OPCML: variants seen among roughly 807,000 people sequenced by gnomAD.
OPCML encodes opioid binding protein/cell adhesion molecule like.
Under a neutral mutation model 37.8 loss-of-function variants are expected in OPCML, and 13 were observed. The ratio of observed to expected loss-of-function variants is 0.34; its 90% confidence interval spans 0.22 to 0.55. The LOEUF (loss-of-function observed/expected upper bound fraction) is 0.55. Ranked by LOEUF, OPCML falls within the 20% of genes least tolerant of loss-of-function variation. The pLI is 0.91. For missense variants in OPCML, 341 were observed against 435.6 expected, an observed-to-expected ratio of 0.78 and a Z score of 1.93; for synonymous variants, 176 against 168.8, an observed-to-expected ratio of 1.04 and a Z score of -0.33.
At chr11:132,933,851 C>A (rs1945287637) in intron 2 of OPCML, among the ~76,000 whole-genome samples, 1 of 152,054 alleles carries the variant, frequency 6.6e-6, no homozygotes, top group Admixed American at 6.6e-5. Flanking sequence ...TGTAATTCCT[C>A]CCCCCTCTTA....
intron 4 of OPCML, among the ~76,000 whole-genome samples, chr11:132,508,007 G>C (rs983178675): frequency 6.6e-6 from 1 of 151,996 alleles, no homozygotes; most frequent in Non-Finnish European, 1.5e-5. Flanking sequence ...TATTGAAATG[G>C]GAAAAGGGGT....
intron 1 of OPCML, among the ~76,000 whole-genome samples, chr11:132,963,203 C>T (rs539104718): frequency 1.3e-5 from 2 of 152,156 alleles, no homozygotes; most frequent in African/African-American, 4.8e-5. Flanking sequence ...TTAACGCTAA[C>T]ATCTCCCATG....
At chr11:133,241,650 C>T (rs900918294) in intron 1 of OPCML, among the ~76,000 whole-genome samples, 5 of 152,204 alleles carry the variant, frequency 3.3e-5, no homozygotes, top group African/African-American at 1.2e-4. Context: ...TAAAAGAGAT[C>T]ATAGGTAATG....
chr11:133,216,188 A>G (rs1324629804), intron 1 of OPCML, among the ~76,000 whole-genome samples: 3 of 152,160 alleles, frequency 2.0e-5, no homozygotes, highest in Admixed American at 1.3e-4. Context: ...CCTGTGTAAT[A>G]GGGAGCTCAA....
chr11:133,123,732 C>T (rs1332884160), intron 1 of OPCML, among the ~76,000 whole-genome samples: 2 of 152,032 alleles, frequency 1.3e-5, no homozygotes, highest in Non-Finnish European at 2.9e-5. Context: ...TGGCATCCTT[C>T]CTGGGTCTCT....
intron 2 of OPCML, among the ~76,000 whole-genome samples, chr11:132,935,178 T>A (rs1186476024): frequency 6.6e-6 from 1 of 151,628 alleles, no homozygotes; most frequent in Non-Finnish European, 1.5e-5. Context: ...TAAAATTAAA[T>A]TTGGCTCAAT....
intron 1 of OPCML, among the ~76,000 whole-genome samples, chr11:133,217,266 C>A (rs987107486): frequency 6.6e-6 from 1 of 152,200 alleles, no homozygotes; most frequent in African/African-American, 2.4e-5. Flanking sequence ...CCCCCCAAAA[C>A]AAAGCACCCA....
At chr11:132,717,545 T>A (rs545249205) in intron 2 of OPCML, among the ~76,000 whole-genome samples, 1 of 152,302 alleles carries the variant, frequency 6.6e-6, no homozygotes, top group African/African-American at 2.4e-5. Flanking sequence ...AGTCGTCATC[T>A]CTGGGTGGTG....
rs550143184 is a variant in OPCML at position 133,080,064 on chromosome 11, A to C, written c.62-137054T>G. 5.3e-5 allele frequency among the ~76,000 whole-genome samples: 8 copies of C among 152,316 alleles called. 1 individual carries two copies. In the East Asian group the frequency reaches 7.7e-4, roughly 15 times the overall value. On this transcript the variant is annotated intron_variant, in intron 1 of 7. Coordinates refer to ENST00000524381, the MANE Select transcript of OPCML (RefSeq NM_001012393.5). ...GGAACAGAGCAATGACCAGAGAAGAAAACTCCTTATGGTCTATGAATAGGG... is the reference window on the plus strand; with the variant it reads ...GGAACAGAGCAATGACCAGAGAAGACAACTCCTTATGGTCTATGAATAGGG...
At chr11:133,185,813 A>G (rs572634176) in intron 1 of OPCML, among the ~76,000 whole-genome samples, 1 of 152,302 alleles carries the variant, frequency 6.6e-6, no homozygotes, top group East Asian at 1.9e-4. Context: ...TGAAAAGAAC[A>G]TTCTTGACTC....
chr11:133,484,500 G>A (rs192880164), intron 1 of OPCML, among the ~76,000 whole-genome samples: 268 of 152,148 alleles, frequency 1.8e-3, no homozygotes, highest in African/African-American at 6.3e-3. Context: ...GGTAGGTAGT[G>A]GATATGTTGC....
intron 1 of OPCML, among the ~76,000 whole-genome samples, chr11:132,953,583 T>C (rs1945910669): frequency 1.3e-5 from 2 of 152,174 alleles, no homozygotes. Context: ...CTACAAGCCA[T>C]AAAATGTGTT....
chr11:133,528,952 G>T (rs1249018170), intron 1 of OPCML, among the ~76,000 whole-genome samples: 1 of 152,218 alleles, frequency 6.6e-6, no homozygotes, highest in East Asian at 1.9e-4. Context: ...GCATCATGGT[G>T]CTGGCCCCTG....
chr11:132,657,715 T>A (rs751877083), intron 2 of OPCML, among the ~76,000 whole-genome samples: 1 of 152,190 alleles, frequency 6.6e-6, no homozygotes, highest in Middle Eastern at 3.2e-3. Flanking sequence ...AGGTCACAGA[T>A]AACCCACAAA....
chr11:132,471,736 T>G (rs997860825), intron 4 of OPCML, among the ~76,000 whole-genome samples: 5 of 152,218 alleles, frequency 3.3e-5, no homozygotes, highest in Admixed American at 1.3e-4. Context: ...TCTTGGAGGC[T>G]GTCAACCACA....
intron 2 of OPCML, among the ~76,000 whole-genome samples, chr11:132,814,417 A>G (rs1939516229): frequency 6.6e-6 from 1 of 152,206 alleles, no homozygotes; most frequent in Non-Finnish European, 1.5e-5. Flanking sequence ...GAATTAGGGG[A>G]GCCAATGATG....
At chr11:132,578,391 G>A (rs922782015) in intron 3 of OPCML, among the ~76,000 whole-genome samples, 1 of 152,178 alleles carries the variant, frequency 6.6e-6, no homozygotes, top group Non-Finnish European at 1.5e-5. Context: ...TACAGATGAA[G>A]TAGGATGTTC....
At chr11:132,740,535 G>C (rs1436811244) in intron 2 of OPCML, among the ~76,000 whole-genome samples, 1 of 152,192 alleles carries the variant, frequency 6.6e-6, no homozygotes, top group African/African-American at 2.4e-5. Flanking sequence ...ACTGGTAGGA[G>C]AGAAAGGTCT....
chr11:132,651,682 G>T (rs1941434529), intron 3 of OPCML, among the ~76,000 whole-genome samples: 1 of 152,146 alleles, frequency 6.6e-6, no homozygotes. Flanking sequence ...AGGACTGGCA[G>T]GGCTGGGAAC....
Sources: allele counts gnomAD v4.1 joint callset (sites outside exome capture counted in the v4.1 genomes callset), GRCh38; gene constraint gnomAD v4.1.1; transcripts MANE v1.5; gene names NCBI Gene and HGNC (gene_info 2026-07-23, HGNC 2026-07-21).